Variants in RNF180 observed in about 807,000 individuals in gnomAD.
RNF180 encodes the protein ring finger protein 180.
A neutral mutation model predicts 59.2 loss-of-function variants in RNF180; 38 were observed. That is an observed-to-expected ratio of 0.64 (90% CI 0.50 to 0.84). The LOEUF (loss-of-function observed/expected upper bound fraction) is 0.84. Among genes scored for constraint, RNF180 ranks in the 40% least tolerant of loss-of-function variants. RNF180 has a pLI of 0.00. For missense variants in RNF180, 705 were observed against 700.9 expected (o/e 1.01, Z -0.07); for synonymous variants, 262 against 240.3 (o/e 1.09, Z -0.84).
chr5:64,288,134 C>G (rs1050627957), intron 5 of RNF180, among the ~76,000 whole-genome samples: 4 of 152,148 alleles, frequency 2.6e-5, no homozygotes, highest in African/African-American at 9.7e-5. Context: ...AGCCTGTTCT[C>G]CCGGCACCAT....
At chr5:64,319,417 T>C (rs182753632) in intron 5 of RNF180, among the ~76,000 whole-genome samples, 121 of 152,260 alleles carry the variant, frequency 7.9e-4, no homozygotes, top group African/African-American at 2.8e-3. Flanking sequence ...ATTTTGATTA[T>C]TGTGATATGC....
rs766985732 is a variant in RNF180, at chr5:64,200,931, C to G, written c.124C>G (p.Gln42Glu). The G allele has an allele frequency of 1.5e-5, 24 of 1,613,498 alleles. No homozygotes were observed. The East Asian group carries it at 1.8e-4, about 12-fold the overall frequency. The change falls in exon 2 of 8, where the codon CAA (glutamine) becomes GAA (glutamate). Residue 42 changes from glutamine (Q) to glutamate (E), a missense_variant. Coordinates refer to ENST00000389100, the MANE Select transcript of RNF180 (RefSeq NM_001113561.2). ...SGCFMEYLEN[Q>E]VIKDKDDSVD... ...TTGTTTTATGGAGTATCTTGAGAAT[C>G]AAGTGATTAAGGTGAGTATTGGTAA...
chr5:64,352,069 T>C (rs1289712524), intron 7 of RNF180, among the ~76,000 whole-genome samples: 1 of 152,108 alleles, frequency 6.6e-6, no homozygotes, highest in African/African-American at 2.4e-5. Flanking sequence ...AATTATTGCC[T>C]CAATTTCAGA....
intron 5 of RNF180, among the ~76,000 whole-genome samples, chr5:64,236,285 G>A (rs1332201231): frequency 1.3e-5 from 2 of 152,256 alleles, no homozygotes; most frequent in African/African-American, 2.4e-5. Flanking sequence ...TTAGCAAAGA[G>A]ACTGGCAGCA....
At chr5:64,288,731 G>C (rs1227838185) in intron 5 of RNF180, among the ~76,000 whole-genome samples, 1 of 152,100 alleles carries the variant, frequency 6.6e-6, no homozygotes, top group Admixed American at 6.6e-5. Flanking sequence ...AGTGATTTTT[G>C]CACAGTGATT....
upstream of RNF180, among the ~76,000 whole-genome samples, chr5:64,165,399 G>A (rs568961913): frequency 4.6e-5 from 7 of 152,280 alleles, no homozygotes; most frequent in Non-Finnish European, 7.4e-5. Context: ...CGAAGATAGT[G>A]ATATACGAAG....
rs78487068 is a variant in RNF180 at position 64,234,524 on chromosome 5, C to G, written c.1227+17128C>G. Among the ~76,000 whole-genome samples the G allele has an allele frequency of 9.9e-3, 1,397 of 140,860 alleles. 19 individuals carry two copies. Among genetic ancestry groups the G allele is most frequent in the African/African-American group, 0.034 (1,334 of 38,708 alleles). 92.4% of individuals were successfully genotyped at this position (140,860 alleles called of 152,430 possible). A position where few individuals can be genotyped will look rare whatever the true frequency, so the allele number is the denominator to read the frequency against. On this transcript the variant is annotated intron_variant, in intron 5 of 7. Transcript: ENST00000389100. ...TCAGTGACAATACCATGACCTTAGG[C>G]TTTCTAATTCATAGTCTTATGTGGC...
chr5:64,170,025 C>T (rs985335751), intron 1 of RNF180, among the ~76,000 whole-genome samples: 1 of 152,230 alleles, frequency 6.6e-6, no homozygotes, highest in Admixed American at 6.5e-5. Context: ...GGAGTGACAA[C>T]TTACCATTTA....
intron 1 of RNF180, among the ~76,000 whole-genome samples, chr5:64,178,532 T>G (rs72769832): frequency 0.093 from 14,178 of 152,294 alleles, 792 homozygotes; most frequent in South Asian, 0.17. Flanking sequence ...TATGCCTGTT[T>G]GTGCTGTTTT....
At chr5:64,343,337 A>G (rs1027310737) in intron 7 of RNF180, among the ~76,000 whole-genome samples, 1 of 152,180 alleles carries the variant, frequency 6.6e-6, no homozygotes, top group African/African-American at 2.4e-5. Flanking sequence ...TAGCTGAATT[A>G]AGAACATATG....
At chr5:64,337,875 T>C (rs1466662438) in intron 7 of RNF180, among the ~76,000 whole-genome samples, 2 of 152,196 alleles carry the variant, frequency 1.3e-5, no homozygotes, top group Admixed American at 1.3e-4. Flanking sequence ...ATGGTGTATA[T>C]GTGCCACATT....
intron 7 of RNF180, among the ~76,000 whole-genome samples, chr5:64,340,746 T>G (rs1302061125): frequency 2.0e-5 from 3 of 152,236 alleles, no homozygotes; most frequent in Admixed American, 1.3e-4. Context: ...AATCAGGTTC[T>G]ATTTTTGTTA....
intron 5 of RNF180, among the ~76,000 whole-genome samples, chr5:64,316,901 C>T (rs951807003): frequency 1.3e-5 from 2 of 152,142 alleles, no homozygotes; most frequent in Non-Finnish European, 2.9e-5. Flanking sequence ...CCTTCACACC[C>T]CCTGGCAAAT....
At chr5:64,291,559 G>A (rs1001408220) in intron 5 of RNF180, among the ~76,000 whole-genome samples, 4 of 150,982 alleles carry the variant, frequency 2.6e-5, no homozygotes, top group African/African-American at 9.8e-5. Context: ...TGAGTAGCTG[G>A]GACAACAAGT....
At chr5:64,286,745 A>G (rs1475163707) in intron 5 of RNF180, among the ~76,000 whole-genome samples, 2 of 152,258 alleles carry the variant, frequency 1.3e-5, no homozygotes, top group Non-Finnish European at 2.9e-5. Context: ...TTAACTATAT[A>G]TATGAGAATA....
chr5:64,279,846 A>G lies in RNF180; in HGVS notation c.1228-45340A>G, dbSNP rs1741917517. Among the ~76,000 whole-genome samples, 3 of 152,228 alleles carry G rather than the reference A, an allele frequency of 2.0e-5. No individual in the cohort carries two copies. The South Asian group carries it at 6.2e-4, about 32-fold the overall frequency. On this transcript the variant is annotated intron_variant, in intron 5 of 7. Coordinates refer to ENST00000389100, the MANE Select transcript of RNF180 (RefSeq NM_001113561.2). ...GGTGGCTCACATCTTTAATCCCAGCACTTTGGAAAGCCAAGGCATGTGGAT... is the reference window on the plus strand; with the variant it reads ...GGTGGCTCACATCTTTAATCCCAGCGCTTTGGAAAGCCAAGGCATGTGGAT...
rs184520385 is a variant in RNF180 at position 64,328,656 on chromosome 5, C to T, written c.1454-1625C>T. 2.2e-3 allele frequency among the ~76,000 whole-genome samples: 340 copies of T among 152,248 alleles called. 1 individual carries two copies. Among genetic ancestry groups the T allele is most frequent in the Non-Finnish European group, 3.8e-3 (257 of 68,028 alleles). On this transcript the variant is annotated intron_variant, in intron 6 of 7. Transcript: ENST00000389100. Reference sequence around the variant, plus strand: ...AGGTTTAATAGATAACTTCAGTTGCCTAGAGTAGTGTATTTTTTACATTTG... The same window carrying T: ...AGGTTTAATAGATAACTTCAGTTGCTTAGAGTAGTGTATTTTTTACATTTG...
chr5:64,181,073 G>A (rs1215322675), intron 1 of RNF180, among the ~76,000 whole-genome samples: 1 of 152,174 alleles, frequency 6.6e-6, no homozygotes, highest in African/African-American at 2.4e-5. Context: ...TCGAGGGTAG[G>A]AAGTATCCAG....
chr5:64,248,550 A>G (rs946242778), intron 5 of RNF180, among the ~76,000 whole-genome samples: 1 of 152,324 alleles, frequency 6.6e-6, no homozygotes, highest in East Asian at 1.9e-4. Context: ...TCAAAACCAC[A>G]ATGAGGTACC....
Sources: gnomAD v4.1 joint callset for allele counts (sites outside exome capture counted in the v4.1 genomes callset) on GRCh38, gnomAD v4.1.1 for gene constraint, MANE v1.5 for transcripts, NCBI Gene and HGNC (gene_info 2026-07-23, HGNC 2026-07-21) for gene names.